MYT1L: variants seen among roughly 807,000 people sequenced by gnomAD.
MYT1L encodes myelin transcription factor 1-like protein.
MYT1L carries 12 observed loss-of-function variants against 126.7 expected under a neutral mutation model. The ratio of observed to expected loss-of-function variants is 0.09; its 90% CI spans 0.06 to 0.15. The LOEUF (loss-of-function observed/expected upper bound fraction) is 0.15, where lower values mean the gene tolerates loss of function less well. Among genes scored for constraint, MYT1L ranks in the 10% least tolerant of loss-of-function variants. The pLI is 1.00. For missense variants in MYT1L, 979 were observed against 1,585.2 expected, an observed-to-expected ratio of 0.62 and a Z score of 6.49; for synonymous variants, 541 against 604.2, an observed-to-expected ratio of 0.90 and a Z score of 1.53.
chr2:2,319,956 C>T (rs897921059), intron 1 of MYT1L, among the ~76,000 whole-genome samples: 3 of 152,054 alleles, frequency 2.0e-5, no homozygotes, highest in Non-Finnish European at 4.4e-5. Context: ...GGGGTCTCGC[C>T]TTTTCTCTTC....
At chr2:1,891,978 G>A in intron 15 of MYT1L, 59 bp downstream of exon 15, 1 of 1,448,944 alleles carries the variant, frequency 6.9e-7, no homozygotes, top group Non-Finnish European at 9.0e-7. Flanking sequence ...TCGGTGGCTG[G>A]GTCCGCGGCC....
intron 22 of MYT1L, among the ~76,000 whole-genome samples, chr2:1,807,687 T>C (rs932533046): frequency 3.9e-5 from 6 of 152,116 alleles, no homozygotes; most frequent in Non-Finnish European, 8.8e-5. Context: ...TTACAGCTGA[T>C]CTCATTATTC....
At chr2:2,219,523 T>G (rs1402164708) in intron 2 of MYT1L, among the ~76,000 whole-genome samples, 2 of 152,254 alleles carry the variant, frequency 1.3e-5, no homozygotes, top group Non-Finnish European at 2.9e-5. Context: ...TGTTCTTAGC[T>G]CCCACAATTT....
At chr2:2,237,048 A>T (rs1040659473) in intron 2 of MYT1L, among the ~76,000 whole-genome samples, 4 of 152,126 alleles carry the variant, frequency 2.6e-5, no homozygotes, top group African/African-American at 9.7e-5. Flanking sequence ...TCCCGACCTC[A>T]GGTGATCCAT....
chr2:1,822,185 C>T (rs561110285), intron 21 of MYT1L, among the ~76,000 whole-genome samples: 122 of 152,280 alleles, frequency 8.0e-4, no homozygotes, highest in Non-Finnish European at 1.5e-3. Context: ...TTGGGCTGGG[C>T]GGCTCCCAGT....
chr2:1,897,463 T>G (rs2049756169), intron 14 of MYT1L, among the ~76,000 whole-genome samples: 1 of 150,374 alleles, frequency 6.7e-6, no homozygotes, highest in African/African-American at 2.5e-5. Flanking sequence ...TTTTTTTTTT[T>G]GTTTGTTTGT....
chr2:2,115,810 T>A (rs1015129636), intron 3 of MYT1L, among the ~76,000 whole-genome samples: 19 of 151,440 alleles, frequency 1.3e-4, no homozygotes, highest in Non-Finnish European at 2.1e-4. Context: ...AGAAGTAGGA[T>A]GCACCACGTC....
At chr2:2,012,601 A>G (rs80153251) in intron 4 of MYT1L, among the ~76,000 whole-genome samples, 2,727 of 152,320 alleles carry the variant, frequency 0.018, 55 homozygotes, top group South Asian at 0.092. Context: ...CAGATACCCA[A>G]GGTCAACAAT....
At chr2:2,129,687 A>G (rs1268449003) in intron 3 of MYT1L, among the ~76,000 whole-genome samples, 1 of 152,174 alleles carries the variant, frequency 6.6e-6, no homozygotes, top group Non-Finnish European at 1.5e-5. Flanking sequence ...TGGGCGGATC[A>G]CAAGGTCAGG....
chr2:2,161,815 T>C (rs368583771), intron 3 of MYT1L, among the ~76,000 whole-genome samples: 2 of 152,130 alleles, frequency 1.3e-5, no homozygotes, highest in African/African-American at 4.8e-5. Context: ...GGGGTACTTA[T>C]TAAAATTTTT....
At chr2:2,182,501 A>AC (rs1014052771) in intron 2 of MYT1L, among the ~76,000 whole-genome samples, 3 of 151,698 alleles carry the variant, frequency 2.0e-5, no homozygotes, top group African/African-American at 7.3e-5. Context: ...ACACCCATGT[A>AC]CCCCCCACAC....
chr2:2,059,149 G>C lies in MYT1L; in HGVS notation c.-303-5026C>G, dbSNP rs1281477484. Among the ~76,000 whole-genome samples, 2 of 152,198 alleles carry C rather than the reference G, an allele frequency of 1.3e-5. No individual in the cohort carries two copies. Among genetic ancestry groups the C allele is most frequent in the Non-Finnish European group, 2.9e-5 (2 of 68,034 alleles). ...GGTCTGCGTGTCACCCACACTGGCGGGAACTGAATGGCCGTTCCCATTTCT... is the reference window on the plus strand; with the variant it reads ...GGTCTGCGTGTCACCCACACTGGCGCGAACTGAATGGCCGTTCCCATTTCT... On this transcript the variant is annotated intron_variant, in intron 3 of 24. Transcript: ENST00000647738. This position sits in a 1 kb window ranked among gnomAD's most constrained non-coding sequence, Gnocchi z 4.7.
rs982703368 is a variant in MYT1L, at chr2:2,233,754, C to G, written c.-421+50650G>C. 2.0e-5 allele frequency among the ~76,000 whole-genome samples: 3 copies of G among 152,184 alleles called. No individual in the cohort carries two copies. The South Asian group carries it at 6.2e-4, about 32-fold the overall frequency. Reference sequence around the variant, plus strand: ...GAGGGTCAGCAATCCATTTTAGTAGCTATCATGTTGAACCAAGGCAGCCCC... The same window carrying G: ...GAGGGTCAGCAATCCATTTTAGTAGGTATCATGTTGAACCAAGGCAGCCCC... On this transcript the variant is annotated intron_variant, in intron 2 of 24. Transcript: ENST00000647738.
intron 3 of MYT1L, among the ~76,000 whole-genome samples, chr2:2,055,698 T>C (rs935920240): frequency 6.6e-6 from 1 of 152,212 alleles, no homozygotes; most frequent in African/African-American, 2.4e-5. Context: ...AATAGTAGGA[T>C]TGGACATTAA....
In MYT1L at chr2:1,970,630, C is replaced by T. The variant is rs556416584; in HGVS notation, c.152+8535G>A. 1.1e-3 allele frequency among the ~76,000 whole-genome samples: 170 copies of T among 152,262 alleles called. 1 individual carries two copies. Among genetic ancestry groups the T allele is most frequent in the African/African-American group, 4.0e-3 (165 of 41,548 alleles). On this transcript the variant is annotated intron_variant, in intron 8 of 24. Coordinates refer to ENST00000647738, the MANE Select transcript of MYT1L (RefSeq NM_001303052.2). ...GCTCTGTGGTTGTGCTTTGTGGCTGCGGGGAATTGCACAGCTGGGCCACTG... is the reference window on the plus strand; with the variant it reads ...GCTCTGTGGTTGTGCTTTGTGGCTGTGGGGAATTGCACAGCTGGGCCACTG...
At chr2:1,998,495 A>G (rs1350261372) in intron 4 of MYT1L, among the ~76,000 whole-genome samples, 1 of 152,168 alleles carries the variant, frequency 6.6e-6, no homozygotes, top group African/African-American at 2.4e-5. Flanking sequence ...GCTGACCATT[A>G]GGGACTGAGC....
intron 2 of MYT1L, among the ~76,000 whole-genome samples, chr2:2,261,652 A>C (rs2094971672): frequency 6.6e-6 from 1 of 152,228 alleles, no homozygotes; most frequent in Admixed American, 6.5e-5. Flanking sequence ...AATAAGTAAG[A>C]GAGTGGTGCA....
rs541036723 is a variant in MYT1L at position 1,847,080 on chromosome 2, C to T, written c.2774+4561G>A. On this transcript the variant is annotated intron_variant, in intron 19 of 24. Coordinates refer to ENST00000647738, the MANE Select transcript of MYT1L (RefSeq NM_001303052.2). ...AGGTAGACACTGTCTGGCCGTTTGA[C>T]TGCCATGCTGGAGGCTTCGATTTTG... 5.3e-5 allele frequency among the ~76,000 whole-genome samples: 8 copies of T among 152,342 alleles called. No individual in the cohort carries two copies. In the East Asian group the frequency reaches 1.5e-3, roughly 29 times the overall value.
chr2:2,038,064 G>T (rs1428380531), intron 4 of MYT1L, among the ~76,000 whole-genome samples: 1 of 152,238 alleles, frequency 6.6e-6, no homozygotes, highest in South Asian at 2.1e-4. Context: ...CCATGCAGAC[G>T]TAGCATGGGT....
Sources: gnomAD v4.1 joint callset for allele counts (sites outside exome capture counted in the v4.1 genomes callset) on GRCh38, gnomAD v4.1.1 for gene constraint, Gnocchi (gnomAD v3.1) non-coding constraint, MANE v1.5 for transcripts, NCBI Gene and HGNC (gene_info 2026-07-23, HGNC 2026-07-21) for gene names.